Variants in CFAP61 observed in about 807,000 individuals in gnomAD.
CFAP61 encodes cilia and flagella associated protein 61.
A neutral mutation model predicts 135.6 loss-of-function variants in CFAP61; 107 were observed. The observed-to-expected ratio is 0.79, with a 90% CI of 0.67 to 0.93. The LOEUF (loss-of-function observed/expected upper bound fraction) is 0.93, where lower values mean the gene tolerates loss of function less well. Among genes scored for constraint, CFAP61 ranks in the 40% least tolerant of loss-of-function variants. The pLI is 0.00. For missense variants in CFAP61, 1,507 were observed against 1,556.2 expected (o/e 0.97, Z 0.53); for synonymous variants, 575 against 578.5 (o/e 0.99, Z 0.09).
At chr20:20,195,374 T>C (rs184083064) in intron 15 of CFAP61, among the ~76,000 whole-genome samples, 55 of 152,360 alleles carry the variant, frequency 3.6e-4, no homozygotes, top group Admixed American at 9.1e-4. Context: ...TATAAGTTGG[T>C]GTTTTGCAAC....
rs533495938 is a variant in CFAP61 at position 20,068,234 on chromosome 20, G to A, written c.144-2620G>A. Among the ~76,000 whole-genome samples the A allele has an allele frequency of 1.7e-3, 261 of 152,284 alleles. 1 individual carries two copies. Among genetic ancestry groups the A allele is most frequent in the Non-Finnish European group, 3.3e-3 (222 of 68,030 alleles). ...CCTCCTCCCTACCATCACCACTATC[G>A]TCAGAGCTGACATGTACAGCGTCTT... On this transcript the variant is annotated intron_variant, in intron 2 of 26. Transcript: ENST00000245957.
At chr20:20,168,665 G>A (rs1338112208) in intron 12 of CFAP61, among the ~76,000 whole-genome samples, 2 of 151,782 alleles carry the variant, frequency 1.3e-5, no homozygotes, top group East Asian at 1.9e-4. Flanking sequence ...TAGTTCCTCC[G>A]CCAATACTAG....
chr20:20,263,022 C>G lies in CFAP61; in HGVS notation c.2395C>G (p.Gln799Glu). The G allele has an allele frequency of 6.2e-7, 1 of 1,613,950 alleles. No individual in the cohort carries two copies. The highest frequency in any genetic ancestry group is 8.5e-7 in the Non-Finnish European group (1 of 1,179,916). The change falls in exon 21 of 27, where the codon CAG (glutamine) becomes GAG (glutamate). Residue 799 changes from glutamine (Q) to glutamate (E), a missense_variant. Physicochemically the swap from Gln to Glu is conservative, Grantham distance 29 (BLOSUM62 2). Coordinates refer to ENST00000245957, the MANE Select transcript of CFAP61 (RefSeq NM_015585.4). ...LTNREVPNSS[Q>E]RRYTGKVPCN... ...AAACAGGGAGGTTCCCAACAGCAGT[C>G]AGCGGCGGTACACGGGGAAAGTTCC...
At chr20:20,080,885 C>T (rs551057499) in intron 6 of CFAP61, among the ~76,000 whole-genome samples, 13 of 151,922 alleles carry the variant, frequency 8.6e-5, no homozygotes, top group African/African-American at 2.9e-4. Context: ...ATCTGTAGTC[C>T]CAGCTACTCG....
At chr20:20,262,839 G>T (rs2052375288) in intron 20 of CFAP61, 117 bp from the exon 21 acceptor site, 61 of 409,800 alleles carry the variant, frequency 1.5e-4, no homozygotes, top group South Asian at 4.4e-4. Context: ...CTGATTGATT[G>T]TATCTCGGGA....
intron 20 of CFAP61, among the ~76,000 whole-genome samples, chr20:20,253,040 A>G (rs771652462): frequency 2.6e-5 from 4 of 152,218 alleles, no homozygotes; most frequent in Admixed American, 6.5e-5. Context: ...TCTATACCTT[A>G]GAATAGCACC....
intron 22 of CFAP61, among the ~76,000 whole-genome samples, chr20:20,279,499 G>A (rs2054022121): frequency 6.6e-6 from 1 of 152,164 alleles, no homozygotes; most frequent in Non-Finnish European, 1.5e-5. Context: ...TTCATTAGGT[G>A]GAAGTGGATC....
intron 25 of CFAP61, among the ~76,000 whole-genome samples, chr20:20,314,160 G>C (rs1359531234): frequency 7.0e-6 from 1 of 142,374 alleles, no homozygotes; most frequent in Non-Finnish European, 1.5e-5. Context: ...CAGCAGGGAG[G>C]ATCACTTGAG....
At chr20:20,159,325 T>C (rs779760074) in intron 9 of CFAP61, 45 bp from the exon 10 acceptor site, 1 of 1,584,432 alleles carries the variant, frequency 6.3e-7, no homozygotes, top group Non-Finnish European at 8.7e-7. Context: ...TCTAAACCAC[T>C]GTAGGTGTCG....
At chr20:20,067,760 ATTATATATGTAT>A (rs1208154899) in intron 2 of CFAP61, among the ~76,000 whole-genome samples, 10 of 106,404 alleles carry the variant, frequency 9.4e-5, no homozygotes, top group Non-Finnish European at 1.8e-4. Flanking sequence ...TATTTATATT[ATTATATATGTAT>A]TTATTATATA....
At chr20:20,247,945 T>A (rs2050594799) in intron 19 of CFAP61, among the ~76,000 whole-genome samples, 1 of 152,238 alleles carries the variant, frequency 6.6e-6, no homozygotes, top group South Asian at 2.1e-4. Context: ...ACTTAAATCC[T>A]CCTAAATATT....
intron 17 of CFAP61, among the ~76,000 whole-genome samples, chr20:20,204,895 C>G (rs551241239): frequency 6.6e-6 from 1 of 152,282 alleles, no homozygotes; most frequent in East Asian, 1.9e-4. Context: ...CAGCCAGTTC[C>G]TATGTGTTTA....
intron 25 of CFAP61, among the ~76,000 whole-genome samples, chr20:20,318,711 G>A (rs2122230642): frequency 6.6e-6 from 1 of 152,310 alleles, no homozygotes; most frequent in South Asian, 2.1e-4. Context: ...ACTCCAAACA[G>A]CCTGGCTCCC....
intron 13 of CFAP61, among the ~76,000 whole-genome samples, chr20:20,185,006 G>C (rs533367740): frequency 1.4e-4 from 22 of 152,302 alleles, no homozygotes; most frequent in African/African-American, 5.1e-4. Context: ...GAAGGAGGCT[G>C]TGGTCATGGA....
At chr20:20,162,643 A>G (rs950532765) in intron 10 of CFAP61, among the ~76,000 whole-genome samples, 1 of 152,206 alleles carries the variant, frequency 6.6e-6, no homozygotes, top group Non-Finnish European at 1.5e-5. Flanking sequence ...TAGGAGCTGC[A>G]ATACAGGCAG....
At chr20:20,221,365 C>G (rs2048385875) in intron 17 of CFAP61, 1 of 152,136 alleles carries the variant, frequency 6.6e-6, no homozygotes. Flanking sequence ...TTTTAATGAT[C>G]ATATGAGCTA....
chr20:20,344,753 TA>T (rs2058571872), intron 26 of CFAP61, among the ~76,000 whole-genome samples: 1 of 152,142 alleles, frequency 6.6e-6, no homozygotes, highest in Non-Finnish European at 1.5e-5. Context: ...CTGCTGGGTA[TA>T]TATCCAAAAG....
At chr20:20,320,015 G>GAACATGTAA (rs1288044240) in intron 25 of CFAP61, among the ~76,000 whole-genome samples, 2 of 151,988 alleles carry the variant, frequency 1.3e-5, no homozygotes, top group African/African-American at 2.4e-5. Flanking sequence ...GAGGATAGAG[G>GAACATGTAA]AACATGTAAA....
intron 8 of CFAP61, among the ~76,000 whole-genome samples, chr20:20,123,398 T>C (rs1314282294): frequency 6.6e-6 from 1 of 151,718 alleles, no homozygotes. Context: ...ATTTTTATGG[T>C]TTCAGGTCTT....
Sources: gnomAD v4.1 joint callset for allele counts (sites outside exome capture counted in the v4.1 genomes callset) on GRCh38, gnomAD v4.1.1 for gene constraint, MANE v1.5 for transcripts, NCBI Gene and HGNC (gene_info 2026-07-23, HGNC 2026-07-21) for gene names.